Variants in TMC1 observed in about 807,000 individuals in gnomAD.
The protein encoded by TMC1 is transmembrane channel-like protein 1.
A neutral mutation model predicts 105.8 loss-of-function variants in TMC1; 84 were observed. The observed-to-expected ratio is 0.79, with a 90% CI of 0.67 to 0.95. The LOEUF (loss-of-function observed/expected upper bound fraction) is 0.95. TMC1 is among the 40% of genes least tolerant of loss of function. TMC1 has a pLI of 0.00. For synonymous variants in TMC1, 315 were observed against 311.5 expected (o/e 1.01, Z -0.12); for missense variants, 817 against 914.1 (o/e 0.89, Z 1.37).
chr9:72,555,920 C>T (rs552496012), intron 1 of TMC1, among the ~76,000 whole-genome samples: 203 of 135,806 alleles, frequency 1.5e-3, no homozygotes, highest in African/African-American at 5.3e-3. Flanking sequence ...TGCACCTGGC[C>T]TGGACTTAAC....
intron 10 of TMC1, among the ~76,000 whole-genome samples, chr9:72,751,390 T>G (rs977782731): frequency 6.6e-6 from 1 of 152,254 alleles, no homozygotes. Context: ...AAACTCTTTT[T>G]GAGAAGAACA....
intron 8 of TMC1, among the ~76,000 whole-genome samples, chr9:72,728,786 T>A (rs932250403): frequency 2.0e-5 from 3 of 152,040 alleles, no homozygotes; most frequent in Non-Finnish European, 4.4e-5. Context: ...AAAAGAATGT[T>A]TAAACCATAA....
Position 72,782,373 on chromosome 9 carries a change from G to A in TMC1, c.885-5966G>A, listed in dbSNP as rs538304295. On this transcript the variant is annotated intron_variant, in intron 13 of 23. Coordinates refer to ENST00000297784, the MANE Select transcript of TMC1 (RefSeq NM_138691.3). ...ACATCATACTGAACAGGCAAAAGCTGGAAGCATTATCCTTGAGAACTGGAA... is the reference window on the plus strand; with the variant it reads ...ACATCATACTGAACAGGCAAAAGCTAGAAGCATTATCCTTGAGAACTGGAA... 3.9e-5 allele frequency among the ~76,000 whole-genome samples: 6 copies of A among 152,196 alleles called. 1 individual carries two copies. In the South Asian group the frequency reaches 1.2e-3, roughly 32 times the overall value.
At chr9:72,631,301 TG>T (rs1825445367) in intron 4 of TMC1, among the ~76,000 whole-genome samples, 1 of 152,244 alleles carries the variant, frequency 6.6e-6, no homozygotes, top group Non-Finnish European at 1.5e-5. Context: ...TTTTTGTTAC[TG>T]GACAAGAAAA....
At chr9:72,805,064 T>C (rs927284609) in intron 17 of TMC1, among the ~76,000 whole-genome samples, 2 of 152,220 alleles carry the variant, frequency 1.3e-5, no homozygotes, top group African/African-American at 4.8e-5. Flanking sequence ...AGTCTGTAAA[T>C]AGTGCTATTC....
intron 12 of TMC1, among the ~76,000 whole-genome samples, chr9:72,761,503 G>A (rs1827754723): frequency 6.6e-6 from 1 of 152,166 alleles, no homozygotes; most frequent in Admixed American, 6.5e-5. Context: ...GATTATCATA[G>A]ATGTGGGAGA....
At chr9:72,832,960 C>A (rs1454319489) in intron 23 of TMC1, among the ~76,000 whole-genome samples, 1 of 152,076 alleles carries the variant, frequency 6.6e-6, no homozygotes, top group Non-Finnish European at 1.5e-5. Flanking sequence ...CAAACACTTT[C>A]AATTTGTTAG....
chr9:72,640,978 ATGTGTCCATCTT>A (rs1429159995), intron 4 of TMC1, among the ~76,000 whole-genome samples: 2 of 152,140 alleles, frequency 1.3e-5, no homozygotes, highest in Non-Finnish European at 2.9e-5. Flanking sequence ...AATTTGCTAG[ATGTGTCCATCTT>A]TTCATGTGGC....
intron 15 of TMC1, among the ~76,000 whole-genome samples, chr9:72,791,486 A>G (rs1007640474): frequency 3.9e-5 from 6 of 152,238 alleles, no homozygotes; most frequent in African/African-American, 1.2e-4. Flanking sequence ...TTGTCAGATT[A>G]GAATTTTCAG....
intron 17 of TMC1, among the ~76,000 whole-genome samples, chr9:72,793,900 G>C (rs1828319275): frequency 1.3e-5 from 2 of 152,094 alleles, no homozygotes; most frequent in South Asian, 4.1e-4. Context: ...GTAACTCCCT[G>C]GACAGGATCC....
Position 72,654,074 on chromosome 9 carries a change from T to C in TMC1, c.16+5410T>C, listed in dbSNP as rs543202709. ...AGTTGTTTTATATTTGGGGCTGTTATGAATAAAGCTGATGTGAACATTTGA... is the reference window on the plus strand; with the variant it reads ...AGTTGTTTTATATTTGGGGCTGTTACGAATAAAGCTGATGTGAACATTTGA... On this transcript the variant is annotated intron_variant, in intron 5 of 23. Transcript: ENST00000297784. Among the ~76,000 whole-genome samples, 35 of 152,338 alleles carry C rather than the reference T, an allele frequency of 2.3e-4. 4 individuals carry two copies. In the East Asian group the frequency reaches 6.7e-3, roughly 29 times the overall value.
chr9:72,528,613 T>C (rs1823446498), intron 1 of TMC1, among the ~76,000 whole-genome samples: 1 of 152,148 alleles, frequency 6.6e-6, no homozygotes, highest in African/African-American at 2.4e-5. Flanking sequence ...GGGTTACAGA[T>C]GTGAGCCACT....
chr9:72,527,431 C>T (rs1823424449), intron 1 of TMC1, among the ~76,000 whole-genome samples: 1 of 152,090 alleles, frequency 6.6e-6, no homozygotes, highest in South Asian at 2.1e-4. Context: ...CAGGAATCTG[C>T]CTGTGTAATC....
At chr9:72,771,009 A>G (rs1827916301) in intron 12 of TMC1, among the ~76,000 whole-genome samples, 1 of 152,168 alleles carries the variant, frequency 6.6e-6, no homozygotes, top group Non-Finnish European at 1.5e-5. Flanking sequence ...CATACCCAGA[A>G]ACAGTGTTTG....
intron 2 of TMC1, among the ~76,000 whole-genome samples, chr9:72,608,771 C>T (rs527898553): frequency 1.2e-3 from 182 of 151,328 alleles, no homozygotes; most frequent in African/African-American, 4.2e-3. Context: ...AGTGGTGATA[C>T]GTATGGTTTA....
chr9:72,740,028 A>G, intron 8 of TMC1, 91 bp from the exon 9 acceptor site: 1 of 961,842 alleles, frequency 1.0e-6, no homozygotes, highest in Non-Finnish European at 1.7e-6. Flanking sequence ...ATAAGACTGC[A>G]GACCTGGTAA....
chr9:72,685,207 T>C (rs146506712), intron 5 of TMC1, among the ~76,000 whole-genome samples: 1,650 of 139,176 alleles, frequency 0.012, 43 homozygotes, highest in East Asian at 0.12. Context: ...CCCGGGTTCA[T>C]ACCATTCTCC....
chr9:72,706,253 A>G (rs1826735060), intron 8 of TMC1, among the ~76,000 whole-genome samples: 1 of 152,188 alleles, frequency 6.6e-6, no homozygotes, highest in Admixed American at 6.6e-5. Flanking sequence ...ACAGGCAAGA[A>G]TCATGGTTTA....
intron 17 of TMC1, among the ~76,000 whole-genome samples, chr9:72,795,533 T>A (rs1020811921): frequency 2.6e-5 from 4 of 152,144 alleles, no homozygotes; most frequent in Non-Finnish European, 4.4e-5. Flanking sequence ...AAGAATTTCA[T>A]ATCAGGCCAA....
Sources: gnomAD v4.1 joint callset for allele counts (sites outside exome capture counted in the v4.1 genomes callset) on GRCh38, gnomAD v4.1.1 for gene constraint, MANE v1.5 for transcripts, NCBI Gene and HGNC (gene_info 2026-07-23, HGNC 2026-07-21) for gene names.